TRDN: variants seen among roughly 807,000 people sequenced by gnomAD.
TRDN encodes the protein triadin in skeletal muscle.
TRDN carries 161 observed loss-of-function variants against 149.7 expected under a neutral mutation model. The ratio of observed to expected loss-of-function variants is 1.08; its 90% CI spans 0.95 to 1.23. The LOEUF (loss-of-function observed/expected upper bound fraction) is 1.23, where lower values mean the gene tolerates loss of function less well. TRDN is among the 50% of genes most tolerant of loss of function. TRDN has a pLI of 0.00. For missense variants in TRDN, 896 were observed against 823.5 expected (o/e 1.09, Z -1.08); for synonymous variants, 294 against 250.5 (o/e 1.17, Z -1.64).
chr6:123,281,437 A>G (rs567194218), intron 24 of TRDN, among the ~76,000 whole-genome samples: 2 of 152,170 alleles, frequency 1.3e-5, no homozygotes, highest in African/African-American at 4.8e-5. Flanking sequence ...TTTTGGCCCA[A>G]TAAATGTGAT....
rs574628138 is a variant in TRDN at position 123,299,864 on chromosome 6, A to G, written c.1510+16593T>C. ...TGAGAATAGGTTCAAATAATGAAAAACTAATATATTTTAGAATAGCAAAGA... is the reference window on the plus strand; with the variant it reads ...TGAGAATAGGTTCAAATAATGAAAAGCTAATATATTTTAGAATAGCAAAGA... On this transcript the variant is annotated intron_variant, in intron 24 of 40. Transcript: ENST00000334268. 2.6e-5 allele frequency among the ~76,000 whole-genome samples: 4 copies of G among 152,166 alleles called. No homozygotes were observed. The South Asian group carries it at 8.3e-4, about 31-fold the overall frequency.
intron 24 of TRDN, among the ~76,000 whole-genome samples, chr6:123,286,572 C>G (rs1777812361): frequency 6.6e-6 from 1 of 151,934 alleles, no homozygotes; most frequent in Non-Finnish European, 1.5e-5. Context: ...AAATTGGGTT[C>G]AGTGTATACT....
chr6:123,565,789 C>G (rs1253784357), intron 2 of TRDN, among the ~76,000 whole-genome samples: 1 of 152,204 alleles, frequency 6.6e-6, no homozygotes, highest in Admixed American at 6.5e-5. Flanking sequence ...AAATCCTGGC[C>G]AGGTGCGCGT....
At chr6:123,398,455 C>T (rs901626483) in intron 12 of TRDN, among the ~76,000 whole-genome samples, 32 of 152,130 alleles carry the variant, frequency 2.1e-4, no homozygotes, top group African/African-American at 7.7e-4. Context: ...TATATACATC[C>T]TTTATTTTTT....
intron 24 of TRDN, among the ~76,000 whole-genome samples, chr6:123,295,922 G>A (rs1778175872): frequency 6.6e-6 from 1 of 151,740 alleles, no homozygotes; most frequent in African/African-American, 2.4e-5. Context: ...ATGAGATGGC[G>A]CCACTGCATT....
At chr6:123,534,383 CTCTT>C (rs1780414316) in intron 4 of TRDN, among the ~76,000 whole-genome samples, 1 of 152,064 alleles carries the variant, frequency 6.6e-6, no homozygotes, top group East Asian at 1.9e-4. Context: ...ACTTTGCGTT[CTCTT>C]TGGGGACTGG....
intron 1 of TRDN, among the ~76,000 whole-genome samples, chr6:123,607,648 T>C (rs1462446731): frequency 6.6e-6 from 1 of 152,194 alleles, no homozygotes; most frequent in African/African-American, 2.4e-5. Context: ...GCTCTCCATA[T>C]AGAAATTATA....
chr6:123,580,686 T>G (rs2114576472), intron 1 of TRDN, among the ~76,000 whole-genome samples: 1 of 152,296 alleles, frequency 6.6e-6, no homozygotes, highest in South Asian at 2.1e-4. Context: ...AGACCCTGCC[T>G]ATCACCAATC....
chr6:123,592,833 A>G (rs969460685), intron 1 of TRDN, among the ~76,000 whole-genome samples: 9 of 152,214 alleles, frequency 5.9e-5, no homozygotes, highest in African/African-American at 2.2e-4. Flanking sequence ...ATGCTCTGCA[A>G]GATATCTGCC....
intron 13 of TRDN, among the ~76,000 whole-genome samples, chr6:123,389,853 A>T (rs1782040750): frequency 6.6e-6 from 1 of 152,178 alleles, no homozygotes; most frequent in Non-Finnish European, 1.5e-5. Context: ...TAAGGATAAA[A>T]ACAAAGATAA....
chr6:123,481,051 G>A (rs957578819), intron 9 of TRDN, among the ~76,000 whole-genome samples: 50 of 152,016 alleles, frequency 3.3e-4, no homozygotes, highest in African/African-American at 1.2e-3. Context: ...TAACCATTAA[G>A]AATACAATTT....
At chr6:123,414,891 A>G (rs1040808643) in intron 12 of TRDN, among the ~76,000 whole-genome samples, 2 of 152,180 alleles carry the variant, frequency 1.3e-5, no homozygotes, top group African/African-American at 4.8e-5. Context: ...TTTTACTTAC[A>G]TCTATATACA....
chr6:123,460,273 CA>C (rs1287427101), intron 10 of TRDN, among the ~76,000 whole-genome samples: 6 of 152,122 alleles, frequency 3.9e-5, no homozygotes, highest in African/African-American at 1.2e-4. Context: ...TGAAAGCAAT[CA>C]CCTTACTAGC....
chr6:123,294,579 G>A (rs1054656353), intron 24 of TRDN, among the ~76,000 whole-genome samples: 12 of 152,256 alleles, frequency 7.9e-5, no homozygotes, highest in Middle Eastern at 3.4e-3. Context: ...CCTTGCACAC[G>A]CAGTTAACAA....
chr6:123,411,355 C>G (rs1354245367), intron 12 of TRDN, among the ~76,000 whole-genome samples: 1 of 152,028 alleles, frequency 6.6e-6, no homozygotes, highest in Non-Finnish European at 1.5e-5. Context: ...TGAATAACTA[C>G]TTTCTAAGGA....
chr6:123,430,503 A>G (rs1025574450), intron 12 of TRDN, among the ~76,000 whole-genome samples: 2 of 152,020 alleles, frequency 1.3e-5, no homozygotes, highest in African/African-American at 2.4e-5. Flanking sequence ...AACTGCATGA[A>G]CACGGGAGGC....
chr6:123,568,116 T>C (rs370703514), intron 2 of TRDN, among the ~76,000 whole-genome samples: 1 of 152,140 alleles, frequency 6.6e-6, no homozygotes, highest in Admixed American at 6.5e-5. Flanking sequence ...TAAGGCCCCA[T>C]GTAAGTTGAA....
chr6:123,246,164 C>T (rs945930926), intron 38 of TRDN, among the ~76,000 whole-genome samples: 1 of 152,064 alleles, frequency 6.6e-6, no homozygotes, highest in Admixed American at 6.6e-5. Flanking sequence ...ACACTAACAT[C>T]ACAATTAAAA....
chr6:123,230,342 A>G (rs919489219), intron 38 of TRDN, among the ~76,000 whole-genome samples: 13 of 151,780 alleles, frequency 8.6e-5, no homozygotes, highest in South Asian at 6.2e-4. Flanking sequence ...AACAATAAGA[A>G]CACTTGGACA....
Sources: allele counts gnomAD v4.1 joint callset (sites outside exome capture counted in the v4.1 genomes callset), GRCh38; gene constraint gnomAD v4.1.1; transcripts MANE v1.5; gene names NCBI Gene and HGNC (gene_info 2026-07-23, HGNC 2026-07-21).